IL4R: variants seen among roughly 807,000 people sequenced by gnomAD.
IL4R encodes interleukin 4 receptor, also known as interleukin-4 receptor subunit alpha.
In IL4R, 17 loss-of-function variants were observed where a neutral mutation model predicts 41.5. The observed-to-expected ratio is 0.41, with a 90% CI of 0.28 to 0.61. The LOEUF (loss-of-function observed/expected upper bound fraction) is 0.61, where lower values mean the gene tolerates loss of function less well. IL4R is among the 20% of genes least tolerant of loss of function. IL4R has a pLI of 0.31. For missense variants in IL4R, 974 were observed against 1,043.1 expected (o/e 0.93, Z 0.91); for synonymous variants, 402 against 422.9 (o/e 0.95, Z 0.61).
At position 27,346,460 on chromosome 16, in the gene IL4R, C is replaced by T; in HGVS notation, c.362-7C>T. 1 of 1,614,016 alleles carries T rather than the reference C, an allele frequency of 6.2e-7. No individual in the cohort carries two copies. The highest frequency in any genetic ancestry group is 8.5e-7 in the Non-Finnish European group (1 of 1,179,974). On this transcript the variant is annotated splice_polypyrimidine_tract_variant and splice_region_variant and intron_variant, in intron 5 of 10. Coordinates refer to ENST00000395762, the MANE Select transcript of IL4R (RefSeq NM_000418.4). ...AGATCCTCACATAGAGGCCGCTTCT[C>T]CCGCAGTGAAACCCAGGGCCCCAGG...
rs2085071850 is a variant in IL4R, at chr16:27,330,051, A to G, written c.-151-15A>G. 1 of 152,048 alleles carries G rather than the reference A, an allele frequency of 6.6e-6. No individual in the cohort carries two copies. Among genetic ancestry groups the G allele is most frequent in the Non-Finnish European group, 1.5e-5 (1 of 68,004 alleles). 9.4% of individuals were successfully genotyped at this position (152,048 alleles called of 1,614,324 possible). A position where few individuals can be genotyped will look rare whatever the true frequency, so the allele number is the denominator to read the frequency against. On this transcript the variant is annotated splice_polypyrimidine_tract_variant and intron_variant, in intron 1 of 10. Transcript: ENST00000395762. ...TCTTTTCTTCATTTTCTTAAATTAA[A>G]CTTTTTATTTTCAGATAATTAAAGA...
At chr16:27,327,887 A>G (rs2085004685) in intron 1 of IL4R, among the ~76,000 whole-genome samples, 1 of 152,094 alleles carries the variant, frequency 6.6e-6, no homozygotes, top group African/African-American at 2.4e-5. Flanking sequence ...TTAACTATGG[A>G]CAAAAGCTTG....
At chr16:27,360,710 TC>T in intron 9 of IL4R, 55 bp from the exon 10 acceptor site, 10 of 1,612,456 alleles carry the variant, frequency 6.2e-6, no homozygotes, top group Non-Finnish European at 8.5e-6. Context: ...ATTGCCGTAC[TC>T]CAGGCCGGGC....
rs3024638 is a variant in IL4R, at chr16:27,355,905, C to G, written c.768C>G (p.Thr256=). ...GCCTGTTGTGCTATGTCAGCATCAC[C>G]AAGTGAGTCCTGGGCCCAGTGCTGC... The part of the protein sequence containing the change: ...AVCLLCYVSI[T]KIKKEWWDQI... Residue 256 remains threonine, a splice_region_variant and synonymous_variant, in exon 8 of 11, where the codon ACC becomes ACG. Transcript: ENST00000395762. The G allele has an allele frequency of 4.8e-3, 7,682 of 1,609,190 alleles. 208 individuals carry two copies. In the African/African-American group the frequency reaches 0.068, roughly 14 times the overall value.
intron 1 of IL4R, among the ~76,000 whole-genome samples, chr16:27,316,856 A>C (rs1210804272): frequency 6.6e-6 from 1 of 152,226 alleles, no homozygotes; most frequent in East Asian, 1.9e-4. Context: ...TCAAGCATAC[A>C]AAACAGTACC....
chr16:27,358,963 G>A lies in IL4R; in HGVS notation c.818G>A (p.Arg273His), dbSNP rs766606481. 14 of 1,613,776 alleles carry A rather than the reference G, an allele frequency of 8.7e-6. No homozygotes were observed. The East Asian group carries it at 1.1e-4, about 13-fold the overall frequency. Residue 273 changes from arginine to histidine, a missense_variant, in exon 9 of 11, where the codon CGC (arginine) becomes CAC (histidine). This residue lies in a region of IL4R where 682 missense variants were observed against 704.3 expected (regional missense o/e 0.97). Coordinates refer to ENST00000395762, the MANE Select transcript of IL4R (RefSeq NM_000418.4). ...WDQIPNPARS[R>H]LVAIIIQDAQ... ...CAGATTCCCAACCCAGCCCGCAGCC[G>A]CCTCGTGGCTATAATAATCCAGGAT...
chr16:27,324,304 C>A (rs2084894953), intron 1 of IL4R, among the ~76,000 whole-genome samples: 3 of 152,202 alleles, frequency 2.0e-5, no homozygotes, highest in Non-Finnish European at 4.4e-5. Context: ...TGCATTAGGA[C>A]ATTTAAGGGG....
At position 27,346,522 on chromosome 16, in the gene IL4R, G is replaced by T; in HGVS notation, c.417G>T (p.Leu139=). 1 of 1,614,160 alleles carries T rather than the reference G, an allele frequency of 6.2e-7. No homozygotes were observed. ...TTCACACCAATGTCTCCGACACTCT[G>T]CTGCTGACCTGGAGCAACCCGTATC... is the stretch of plus-strand genomic sequence containing the variant. The part of the protein sequence containing the change: ...LTVHTNVSDT[L]LLTWSNPYPP... The change falls in exon 6 of 11, where the codon CTG becomes CTT. Residue 139 remains leucine (L), a synonymous_variant. Transcript: ENST00000395762.
Position 27,345,214 on chromosome 16 carries a change from C to T in IL4R, c.361+194C>T. On this transcript the variant is annotated intron_variant, in intron 5 of 10. Coordinates refer to ENST00000395762, the MANE Select transcript of IL4R (RefSeq NM_000418.4). This position sits in a 1 kb window ranked among gnomAD's most constrained non-coding sequence, Gnocchi z 4.5. ...CCCACCTTTGAAACGGAGCTGGTCG[C>T]AGTAGACCACCAAGCCCCCTTCAGC... 1 of 720,996 alleles carries T rather than the reference C, an allele frequency of 1.4e-6. No homozygotes were observed. Among genetic ancestry groups the T allele is most frequent in the Non-Finnish European group, 2.5e-6 (1 of 405,266 alleles). 44.7% of individuals were successfully genotyped at this position (720,996 alleles called of 1,614,324 possible).
At chr16:27,342,562 C>T (rs1264673462) in intron 4 of IL4R, among the ~76,000 whole-genome samples, 1 of 152,056 alleles carries the variant, frequency 6.6e-6, no homozygotes, top group Non-Finnish European at 1.5e-5. Context: ...AGTGAGGACC[C>T]AAAGGGCTTT....
intron 7 of IL4R, 102 bp downstream of exon 7, chr16:27,352,798 G>A: frequency 8.1e-7 from 1 of 1,233,146 alleles, no homozygotes; most frequent in East Asian, 2.3e-5. Flanking sequence ...TATATCATAG[G>A]ATGCCTCTAA....
chr16:27,361,492 G>A (rs982827295), intron 10 of IL4R, among the ~76,000 whole-genome samples: 25 of 152,044 alleles, frequency 1.6e-4, no homozygotes, highest in South Asian at 2.1e-4. Context: ...ACAAGCTCTC[G>A]CTGTGTTGCC....
intron 2 of IL4R, among the ~76,000 whole-genome samples, chr16:27,330,461 G>A (rs1596778852): frequency 6.6e-6 from 1 of 152,028 alleles, no homozygotes; most frequent in East Asian, 1.9e-4. Context: ...TCCCCCCGAG[G>A]GCAAGATTGT....
intron 1 of IL4R, among the ~76,000 whole-genome samples, chr16:27,326,491 T>G (rs2141076589): frequency 6.6e-6 from 1 of 151,970 alleles, no homozygotes; most frequent in Non-Finnish European, 1.5e-5. Context: ...CAGAGAGAGA[T>G]CCCCATCTCT....
At chr16:27,338,300 C>A (rs935893481) in intron 2 of IL4R, among the ~76,000 whole-genome samples, 2 of 151,800 alleles carry the variant, frequency 1.3e-5, no homozygotes, top group Non-Finnish European at 2.9e-5. Context: ...TTACTGCAGC[C>A]TTGACATCCC....
At chr16:27,352,748 C>T (rs2085922384) in intron 7 of IL4R, 52 bp downstream of exon 7, 1 of 1,571,974 alleles carries the variant, frequency 6.4e-7, no homozygotes, top group Admixed American at 1.7e-5. Flanking sequence ...CATTCTTCCC[C>T]TGTGGCCAGA....
chr16:27,340,977 C>T (rs1482642669), intron 3 of IL4R: 3 of 466,320 alleles, frequency 6.4e-6, no homozygotes, highest in East Asian at 4.8e-5. Context: ...CAGGAGGGAG[C>T]AGTGAAGGTC....
In IL4R at chr16:27,363,528, C is replaced by T. The variant is rs769248012; in HGVS notation, c.2176C>T (p.Gln726Ter). ...CTGCCACCTGTGCGGCCACCTGAAA[C>T]AGTGTCATGGCCAGGAGGATGGTGG... Reference protein sequence around the residue: ...LTCHLCGHLKQCHGQEDGGQT... With the variant: ...LTCHLCGHLK The change falls in exon 11 of 11, where the codon CAG becomes TAG. Residue 726 changes from glutamine to a stop codon, truncating the protein, a stop_gained. Coordinates refer to ENST00000395762, the MANE Select transcript of IL4R (RefSeq NM_000418.4). LOFTEE classifies it low-confidence loss of function (END_TRUNC). The T allele has an allele frequency of 6.2e-7, 1 of 1,614,188 alleles. No homozygotes were observed. The highest frequency in any genetic ancestry group is 8.5e-7 in the Non-Finnish European group (1 of 1,180,028).
intron 9 of IL4R, among the ~76,000 whole-genome samples, chr16:27,359,370 A>C (rs1001014836): frequency 1.6e-4 from 25 of 152,146 alleles, no homozygotes; most frequent in African/African-American, 6.0e-4. Flanking sequence ...CTTCTTCTTA[A>C]GCATAGGAAA....
Sources: gnomAD v4.1 joint callset for allele counts (sites outside exome capture counted in the v4.1 genomes callset) on GRCh38, gnomAD v4.1.1 for gene constraint, gnomAD v4.1.1 regional missense constraint, Gnocchi (gnomAD v3.1) non-coding constraint, MANE v1.5 for transcripts, NCBI Gene and HGNC (gene_info 2026-07-23, HGNC 2026-07-21) for gene names.